The following TMTC2 variants were observed in gnomAD, a reference collection of about 807,000 sequenced individuals.
The protein encoded by TMTC2 is protein O-mannosyl-transferase TMTC2.
Under a neutral mutation model 82.4 loss-of-function variants are expected in TMTC2, and 43 were observed. The observed-to-expected ratio is 0.52, with a 90% confidence interval of 0.41 to 0.67. The LOEUF (loss-of-function observed/expected upper bound fraction) is 0.67, where lower values mean the gene tolerates loss of function less well. Ranked by LOEUF, TMTC2 falls within the 30% of genes least tolerant of loss-of-function variation. The pLI is 0.00. For synonymous variants in TMTC2, 408 were observed against 381.9 expected, an observed-to-expected ratio of 1.07 and a Z score of -0.80; for missense variants, 919 against 1,012.4, an observed-to-expected ratio of 0.91 and a Z score of 1.25.
chr12:82,755,051 T>C (rs1009462788), intron 1 of TMTC2, among the ~76,000 whole-genome samples: 4 of 152,252 alleles, frequency 2.6e-5, no homozygotes, highest in African/African-American at 9.6e-5. Context: ...AGTTCATCTG[T>C]ATACTATTGT....
intron 3 of TMTC2, among the ~76,000 whole-genome samples, chr12:82,920,768 T>G (rs1268366192): frequency 6.6e-6 from 1 of 152,178 alleles, no homozygotes; most frequent in African/African-American, 2.4e-5. Context: ...TATATATGCT[T>G]AGTCTTAGGA....
chr12:83,045,766 C>T (rs547754281), intron 9 of TMTC2, among the ~76,000 whole-genome samples: 89 of 151,182 alleles, frequency 5.9e-4, no homozygotes, highest in African/African-American at 2.0e-3. Flanking sequence ...GAGTGTCTGG[C>T]GACCATCAGG....
chr12:83,097,027 A>G (rs1027322585), intron 11 of TMTC2, among the ~76,000 whole-genome samples: 2 of 152,148 alleles, frequency 1.3e-5, no homozygotes, highest in African/African-American at 2.4e-5. Context: ...ATGTTTTTCT[A>G]TTTCAGCATT....
At chr12:82,730,869 C>T (rs893532154) in intron 1 of TMTC2, among the ~76,000 whole-genome samples, 3 of 152,060 alleles carry the variant, frequency 2.0e-5, no homozygotes, top group Non-Finnish European at 2.9e-5. Flanking sequence ...TAAAATCAAA[C>T]GGGTATATGG....
intron 1 of TMTC2, among the ~76,000 whole-genome samples, chr12:82,789,040 TTC>T (rs1445955129): frequency 7.9e-5 from 12 of 152,160 alleles, no homozygotes; most frequent in Non-Finnish European, 1.2e-4. Context: ...TGTTACCTAC[TTC>T]TGTCTGTCAC....
At chr12:83,016,366 G>GT (rs1880681377) in intron 8 of TMTC2, among the ~76,000 whole-genome samples, 1 of 152,178 alleles carries the variant, frequency 6.6e-6, no homozygotes. Flanking sequence ...GTGAGTCAGC[G>GT]TAAGTATGCC....
At chr12:83,018,422 T>C (rs1170417198) in intron 8 of TMTC2, among the ~76,000 whole-genome samples, 1 of 152,184 alleles carries the variant, frequency 6.6e-6, no homozygotes, top group African/African-American at 2.4e-5. Context: ...GAAGGAATTA[T>C]CCAGTGAATG....
rs2137579503 is a variant in TMTC2 at position 83,134,192 on chromosome 12, T to C, written c.*1803T>C. 1 of 152,560 alleles carries C rather than the reference T, an allele frequency of 6.6e-6. No individual in the cohort carries two copies. The highest frequency in any genetic ancestry group is 6.5e-5 in the Admixed American group (1 of 15,282). 9.5% of individuals were successfully genotyped at this position (152,560 alleles called of 1,614,324 possible). ...GGCCAAAAGTTAAATTATAACTAAATCACTGTGTTTTCAGAATGATATTTA... is the reference window on the plus strand; with the variant it reads ...GGCCAAAAGTTAAATTATAACTAAACCACTGTGTTTTCAGAATGATATTTA... On this transcript the variant is annotated 3_prime_UTR_variant, in exon 12 of 12. Coordinates refer to ENST00000321196, the MANE Select transcript of TMTC2 (RefSeq NM_152588.3).
chr12:82,872,230 G>T (rs1219105316), intron 2 of TMTC2, among the ~76,000 whole-genome samples: 2 of 152,126 alleles, frequency 1.3e-5, no homozygotes, highest in East Asian at 3.9e-4. Flanking sequence ...TGAGATCTTG[G>T]TATTCTGAGC....
chr12:83,007,673 C>T (rs370261343), intron 8 of TMTC2, among the ~76,000 whole-genome samples: 2 of 152,108 alleles, frequency 1.3e-5, no homozygotes, highest in African/African-American at 4.8e-5. Context: ...TTTAGATAAG[C>T]TCAGAAAAAG....
chr12:82,856,956 TTTTC>T (rs1871284510), intron 1 of TMTC2, 50 bp from the exon 2 acceptor site: 3 of 1,502,540 alleles, frequency 2.0e-6, no homozygotes, highest in Non-Finnish European at 2.7e-6. Context: ...ATGTCATATT[TTTTC>T]TTTCTTTCTG....
intron 1 of TMTC2, among the ~76,000 whole-genome samples, chr12:82,722,426 G>T (rs557139935): frequency 4.3e-4 from 65 of 150,392 alleles, no homozygotes; most frequent in Non-Finnish European, 6.2e-4. Context: ...AATTAGCCGG[G>T]CATGGTGGTG....
chr12:82,887,303 T>A (rs753101036), intron 2 of TMTC2, among the ~76,000 whole-genome samples: 1 of 152,186 alleles, frequency 6.6e-6, no homozygotes, highest in Non-Finnish European at 1.5e-5. Flanking sequence ...CTGCTATTAT[T>A]AATGACAGTT....
chr12:82,838,223 T>A (rs1433726559), intron 1 of TMTC2, among the ~76,000 whole-genome samples: 1 of 152,202 alleles, frequency 6.6e-6, no homozygotes, highest in East Asian at 1.9e-4. Flanking sequence ...ATCAGTGTCA[T>A]GTCATCAACA....
At chr12:82,856,934 A>G in intron 1 of TMTC2, 76 bp from the exon 2 acceptor site, 17 of 1,357,346 alleles carry the variant, frequency 1.3e-5, no homozygotes, top group Non-Finnish European at 1.7e-5. Flanking sequence ...TGAGAAAGGC[A>G]GTATCTTATC....
At chr12:82,881,156 G>A (rs889555437) in intron 2 of TMTC2, among the ~76,000 whole-genome samples, 1 of 152,140 alleles carries the variant, frequency 6.6e-6, no homozygotes, top group African/African-American at 2.4e-5. Flanking sequence ...AATGGGGAGT[G>A]TTTTAATGGC....
intron 2 of TMTC2, among the ~76,000 whole-genome samples, chr12:82,867,179 T>C (rs1871911132): frequency 6.6e-6 from 1 of 152,200 alleles, no homozygotes; most frequent in Admixed American, 6.5e-5. Flanking sequence ...ATTATAACTC[T>C]TGCATCAAGA....
chr12:82,813,660 A>T (rs1025622491), intron 1 of TMTC2, among the ~76,000 whole-genome samples: 1 of 152,206 alleles, frequency 6.6e-6, no homozygotes, highest in East Asian at 1.9e-4. Flanking sequence ...TGATACTGGC[A>T]TGGGAAATTT....
intron 2 of TMTC2, among the ~76,000 whole-genome samples, chr12:82,881,268 A>G (rs1203285086): frequency 6.6e-6 from 1 of 152,238 alleles, no homozygotes; most frequent in East Asian, 1.9e-4. Context: ...ATGGAGAATG[A>G]ATACTGCAAT....
Sources: allele counts gnomAD v4.1 joint callset (sites outside exome capture counted in the v4.1 genomes callset), GRCh38; gene constraint gnomAD v4.1.1; transcripts MANE v1.5; gene names NCBI Gene and HGNC (gene_info 2026-07-23, HGNC 2026-07-21).